The following EYA1 variants were observed in gnomAD, a reference collection of about 807,000 sequenced individuals.
EYA1 encodes EYA transcriptional coactivator and phosphatase 1.
Under a neutral mutation model 82.0 loss-of-function variants are expected in EYA1, and 16 were observed. That is an observed-to-expected ratio of 0.20 (90% CI 0.13 to 0.30). The LOEUF (loss-of-function observed/expected upper bound fraction) is 0.30, where lower values mean the gene tolerates loss of function less well. EYA1 is among the 10% of genes least tolerant of loss of function. The pLI, the probability that EYA1 is intolerant of heterozygous loss-of-function variation, is 1.00. For synonymous variants in EYA1, 261 were observed against 264.4 expected (o/e 0.99, Z 0.12); for missense variants, 633 against 730.7 (o/e 0.87, Z 1.54).
chr8:71,537,070 AT>A (rs1032815905), intron 1 of EYA1, among the ~76,000 whole-genome samples: 4 of 152,220 alleles, frequency 2.6e-5, no homozygotes, highest in African/African-American at 9.6e-5. Context: ...TTAAGAAGTA[AT>A]TTTGAAGTCT....
chr8:71,458,966 T>C (rs1018145024), intron 2 of EYA1, among the ~76,000 whole-genome samples: 2 of 152,110 alleles, frequency 1.3e-5, no homozygotes, highest in African/African-American at 4.8e-5. Context: ...TCTATGACAT[T>C]GACAAGAGTT....
intron 3 of EYA1, among the ~76,000 whole-genome samples, chr8:71,349,293 C>A (rs137997950): frequency 6.6e-6 from 1 of 152,284 alleles, no homozygotes; most frequent in Admixed American, 6.5e-5. Context: ...TCTTGCACAG[C>A]GCTGCTGTTT....
At chr8:71,266,333 G>A (rs1442354363) in intron 11 of EYA1, among the ~76,000 whole-genome samples, 1 of 151,738 alleles carries the variant, frequency 6.6e-6, no homozygotes, top group African/African-American at 2.4e-5. Flanking sequence ...GGAAACAAAA[G>A]GACTGCAAGA....
rs550994402 is a variant in EYA1 at position 71,201,447 on chromosome 8, C to T, written c.1699-2027G>A. ...TTCAAACTAACTCTCTCTCTCTCTG[C>T]CCCCGTGCATTCTCTGTGGGCTAAG... On this transcript the variant is annotated intron_variant, in intron 17 of 17. Transcript: ENST00000340726. 1.0e-3 allele frequency among the ~76,000 whole-genome samples: 154 copies of T among 152,136 alleles called. 1 individual carries two copies. The highest frequency in any genetic ancestry group is 3.7e-3 in the African/African-American group (152 of 41,510).
intron 9 of EYA1, among the ~76,000 whole-genome samples, chr8:71,296,999 T>C (rs564292587): frequency 2.8e-4 from 42 of 152,260 alleles, no homozygotes; most frequent in Admixed American, 3.3e-4. Flanking sequence ...CTTCTAATTA[T>C]GCAACACAAG....
At chr8:71,272,611 A>G (rs1359911261) in intron 9 of EYA1, among the ~76,000 whole-genome samples, 1 of 152,144 alleles carries the variant, frequency 6.6e-6, no homozygotes, top group Non-Finnish European at 1.5e-5. Context: ...CCACAAAATA[A>G]AGAACAACCC....
upstream of EYA1, chr8:71,362,155 CTTTTTTTTTTTT>C (rs35320129): frequency 7.9e-5 from 65 of 824,624 alleles, no homozygotes; most frequent in East Asian, 1.9e-4. Flanking sequence ...TCGGGGCTTT[CTTTTTTTTTTTT>C]TTTTTTTTTT....
chr8:71,523,173 C>CT (rs201950125), intron 2 of EYA1, among the ~76,000 whole-genome samples: 12,209 of 109,498 alleles, frequency 0.11, 1,245 homozygotes, highest in African/African-American at 0.14. Flanking sequence ...TTTCTTTTTT[C>CT]TTTTTCTTTT....
chr8:71,496,047 G>A (rs943086324), intron 2 of EYA1, among the ~76,000 whole-genome samples: 3 of 152,318 alleles, frequency 2.0e-5, no homozygotes, highest in Non-Finnish European at 4.4e-5. Context: ...TATTAAAAAT[G>A]TCTAAGTCAG....
At chr8:71,239,376 A>C (rs1812206270) in intron 12 of EYA1, among the ~76,000 whole-genome samples, 1 of 152,224 alleles carries the variant, frequency 6.6e-6, no homozygotes. Flanking sequence ...TCTATGAAGA[A>C]GGAAACAAAA....
chr8:71,502,346 A>G (rs998661328), intron 2 of EYA1, among the ~76,000 whole-genome samples: 4 of 152,262 alleles, frequency 2.6e-5, no homozygotes, highest in African/African-American at 9.6e-5. Context: ...TATTTCTTTT[A>G]TAGGGAAATA....
intron 3 of EYA1, among the ~76,000 whole-genome samples, chr8:71,334,737 A>T (rs1391897415): frequency 6.7e-6 from 1 of 148,958 alleles, no homozygotes; most frequent in East Asian, 1.9e-4. Flanking sequence ...CTGACTGCCA[A>T]TTCACCAATA....
chr8:71,250,514 G>C (rs574906739), intron 11 of EYA1, among the ~76,000 whole-genome samples: 1 of 152,162 alleles, frequency 6.6e-6, no homozygotes, highest in Non-Finnish European at 1.5e-5. Flanking sequence ...TTTAATCCCT[G>C]TATCTTCCTC....
chr8:71,245,281 C>T (rs977124762), intron 11 of EYA1, among the ~76,000 whole-genome samples: 5 of 151,930 alleles, frequency 3.3e-5, no homozygotes, highest in East Asian at 1.9e-4. Flanking sequence ...GGCTGGAGTA[C>T]ATTGGCGTGA....
chr8:71,404,008 G>A (rs570465990), intron 2 of EYA1: 1 of 152,300 alleles, frequency 6.6e-6, no homozygotes, highest in East Asian at 1.9e-4. Context: ...AAAAATAATT[G>A]TGCCTTTTTG....
chr8:71,458,381 A>G (rs1219905381), intron 2 of EYA1, among the ~76,000 whole-genome samples: 1 of 151,988 alleles, frequency 6.6e-6, no homozygotes, highest in Non-Finnish European at 1.5e-5. Flanking sequence ...CTCTGTGTGT[A>G]TGTAGATTTT....
At chr8:71,358,597 C>T (rs1229384382) in intron 1 of EYA1, among the ~76,000 whole-genome samples, 1 of 152,154 alleles carries the variant, frequency 6.6e-6, no homozygotes, top group Non-Finnish European at 1.5e-5. Flanking sequence ...CGAATGCAGA[C>T]AACAATTAGA....
chr8:71,345,385 A>G (rs1003769992), intron 3 of EYA1, among the ~76,000 whole-genome samples: 2 of 152,180 alleles, frequency 1.3e-5, no homozygotes, highest in Non-Finnish European at 2.9e-5. Flanking sequence ...TATCATCTTC[A>G]TTTTACAGAC....
At chr8:71,208,617 T>G (rs945929446) in intron 17 of EYA1, among the ~76,000 whole-genome samples, 9 of 152,012 alleles carry the variant, frequency 5.9e-5, no homozygotes, top group African/African-American at 2.2e-4. Flanking sequence ...AGTGTCAGCA[T>G]TTGCCTAATG....
Sources: allele counts gnomAD v4.1 joint callset (sites outside exome capture counted in the v4.1 genomes callset), GRCh38; gene constraint gnomAD v4.1.1; transcripts MANE v1.5; gene names NCBI Gene and HGNC (gene_info 2026-07-23, HGNC 2026-07-21).